Variants in TSGA10 observed in about 807,000 individuals in gnomAD.
TSGA10 encodes testis specific 10.
A neutral mutation model predicts 96.6 loss-of-function variants in TSGA10; 43 were observed. The ratio of observed to expected loss-of-function variants is 0.44; its 90% CI spans 0.35 to 0.57. The LOEUF is 0.57. Among genes scored for constraint, TSGA10 ranks in the 20% least tolerant of loss-of-function variants. The probability of loss-of-function intolerance (pLI) is 0.01; values close to 1 mark genes in which losing one functional copy is unlikely to be tolerated. For missense variants in TSGA10, 703 were observed against 834.4 expected (o/e 0.84, Z 1.94); for synonymous variants, 229 against 269.9 (o/e 0.85, Z 1.48).
chr2:99,066,233 CTG>C (rs1317901781), intron 15 of TSGA10, among the ~76,000 whole-genome samples: 2 of 152,174 alleles, frequency 1.3e-5, no homozygotes, highest in African/African-American at 4.8e-5. Flanking sequence ...TTTGCCAAGT[CTG>C]TGTTAGTCAA....
chr2:99,014,158 A>T (rs980448767), intron 20 of TSGA10, among the ~76,000 whole-genome samples: 26 of 152,148 alleles, frequency 1.7e-4, no homozygotes, highest in Non-Finnish European at 3.1e-4. Context: ...CTGTCTCAAA[A>T]AAATAAATAA....
chr2:99,013,976 A>T (rs1558722855), intron 20 of TSGA10, among the ~76,000 whole-genome samples: 1 of 152,044 alleles, frequency 6.6e-6, no homozygotes, highest in East Asian at 1.9e-4. Flanking sequence ...AACATGGTGA[A>T]ACCCTGACTC....
chr2:99,091,194 A>G (rs979993661), intron 10 of TSGA10, among the ~76,000 whole-genome samples: 7 of 152,330 alleles, frequency 4.6e-5, no homozygotes, highest in African/African-American at 1.7e-4. Flanking sequence ...CATGAAGGAA[A>G]GAGTCTTTTT....
chr2:99,071,646 T>C, intron 14 of TSGA10, 60 bp downstream of exon 14: 2 of 1,525,706 alleles, frequency 1.3e-6, no homozygotes, highest in Non-Finnish European at 1.8e-6. Context: ...TGAGGGCTGT[T>C]CCTCACAAGA....
At chr2:99,034,245 T>C (rs1209716848) in intron 17 of TSGA10, among the ~76,000 whole-genome samples, 1 of 151,656 alleles carries the variant, frequency 6.6e-6, no homozygotes, top group Admixed American at 6.6e-5. Context: ...TTACTAAAAA[T>C]ACAAAAATCA....
At chr2:99,111,267 T>C (rs939383364) in intron 4 of TSGA10, among the ~76,000 whole-genome samples, 1 of 152,110 alleles carries the variant, frequency 6.6e-6, no homozygotes, top group African/African-American at 2.4e-5. Flanking sequence ...TTGACCCAAA[T>C]TACCCCATTC....
chr2:99,111,085 A>G (rs2091769104), intron 4 of TSGA10, among the ~76,000 whole-genome samples, 170 bp from the exon 5 acceptor site: 1 of 152,134 alleles, frequency 6.6e-6, no homozygotes, highest in South Asian at 2.1e-4. Context: ...AAGATAAAAG[A>G]TGATTTACCC....
intron 1 of TSGA10, among the ~76,000 whole-genome samples, chr2:99,146,464 G>GAAATTCTCA (rs2093633205): frequency 6.9e-6 from 1 of 145,050 alleles, no homozygotes; most frequent in Non-Finnish European, 1.5e-5. Context: ...TCATTGAATA[G>GAAATTCTCA]AAATTCTCAA....
chr2:99,035,563 A>C (rs1291688548), intron 16 of TSGA10, 124 bp from the exon 17 acceptor site: 2 of 575,960 alleles, frequency 3.5e-6, no homozygotes, highest in African/African-American at 1.9e-5. Context: ...TGAAGTTTAA[A>C]TAATACAGGT....
chr2:99,074,642 G>C (rs958603367), intron 12 of TSGA10, among the ~76,000 whole-genome samples: 3 of 152,066 alleles, frequency 2.0e-5, no homozygotes, highest in African/African-American at 4.8e-5. Context: ...ATTCTGAAAA[G>C]CTAGTTGAAC....
At chr2:99,150,075 G>C (rs2093677504) in intron 1 of TSGA10, among the ~76,000 whole-genome samples, 1 of 151,998 alleles carries the variant, frequency 6.6e-6, no homozygotes, top group Non-Finnish European at 1.5e-5. Context: ...TACAGGCGTG[G>C]GCCACCGCAC....
chr2:99,099,110 C>T (rs938247990), intron 10 of TSGA10, among the ~76,000 whole-genome samples: 7 of 152,088 alleles, frequency 4.6e-5, no homozygotes, highest in Non-Finnish European at 8.8e-5. Context: ...GTCGGGAGTT[C>T]AAGACCAGCC....
At chr2:99,128,312 A>C (rs1011546994) in intron 1 of TSGA10, among the ~76,000 whole-genome samples, 9 of 152,188 alleles carry the variant, frequency 5.9e-5, no homozygotes, top group African/African-American at 2.2e-4. Flanking sequence ...TCAACATTAG[A>C]TCTCACAGAA....
At chr2:99,013,441 T>C (rs1310610469) in intron 20 of TSGA10, among the ~76,000 whole-genome samples, 1 of 152,026 alleles carries the variant, frequency 6.6e-6, no homozygotes, top group African/African-American at 2.4e-5. Flanking sequence ...CACACTATTC[T>C]CCTGCCTCAG....
At chr2:99,119,777 C>T (rs1314377043) in intron 2 of TSGA10, among the ~76,000 whole-genome samples, 2 of 152,312 alleles carry the variant, frequency 1.3e-5, no homozygotes, top group East Asian at 3.9e-4. Flanking sequence ...ATGATCTGTT[C>T]GTTATTGTCA....
At chr2:99,066,635 A>G (rs1456639125) in intron 15 of TSGA10, among the ~76,000 whole-genome samples, 1 of 151,996 alleles carries the variant, frequency 6.6e-6, no homozygotes, top group Non-Finnish European at 1.5e-5. Flanking sequence ...CTGTCCTCCA[A>G]CCACCCAGTG....
chr2:99,105,321 T>G, intron 9 of TSGA10, 38 bp downstream of exon 9: 1 of 1,546,434 alleles, frequency 6.5e-7, no homozygotes, highest in Non-Finnish European at 8.7e-7. Flanking sequence ...ATTGAGTGTT[T>G]ATAGCCAAAA....
chr2:99,149,160 A>C, intron 1 of TSGA10, among the ~76,000 whole-genome samples: 2 of 123,976 alleles, frequency 1.6e-5, no homozygotes. Context: ...AAAGGGTGAA[A>C]CTCCATCTCA....
At position 99,078,790 on chromosome 2, in the gene TSGA10, C is replaced by A. The variant is rs138001728; in HGVS notation, c.751G>T (p.Ala251Ser). 6.2e-6 allele frequency: 10 copies of A among 1,612,488 alleles called. No homozygotes were observed. The highest frequency in any genetic ancestry group is 1.6e-4 in the Middle Eastern group (1 of 6,078). Residue 251 changes from alanine to serine, a missense_variant, in exon 12 of 21, where the codon GCA becomes TCA. Physicochemically the swap from Ala to Ser is moderately conservative, Grantham distance 99. Around this residue, in one of 3 missense-constraint regions of TSGA10, gnomAD observed 585 missense variants for 656.8 expected, o/e 0.89. Transcript: ENST00000393483. ...KIDNFTRQNI[A>S]QREEISILGG... ...AGAATGCTGATTTCTTCTCGCTGTG[C>A]AATATTTTGCCTTGTAAAGTTATCT...
Sources: allele counts gnomAD v4.1 joint callset (sites outside exome capture counted in the v4.1 genomes callset), GRCh38; gene constraint gnomAD v4.1.1; regional missense constraint gnomAD v4.1.1; transcripts MANE v1.5; gene names NCBI Gene and HGNC (gene_info 2026-07-23, HGNC 2026-07-21).